The following TMEM131 variants were observed in gnomAD, a reference collection of about 807,000 sequenced individuals.
The protein encoded by TMEM131 is transmembrane protein 131.
TMEM131 carries 66 observed loss-of-function variants against 211.6 expected under a neutral mutation model. The observed-to-expected ratio is 0.31, with a 90% CI of 0.26 to 0.38. The LOEUF (loss-of-function observed/expected upper bound fraction) is 0.38. TMEM131 is among the 10% of genes least tolerant of loss of function. TMEM131 has a pLI of 1.00. For missense variants in TMEM131, 2,036 were observed against 2,299.3 expected (o/e 0.89, Z 2.34); for synonymous variants, 844 against 841.3 (o/e 1.00, Z -0.06).
chr2:97,953,320 A>T (rs1678409950), intron 1 of TMEM131, among the ~76,000 whole-genome samples: 1 of 152,240 alleles, frequency 6.6e-6, no homozygotes, highest in Non-Finnish European at 1.5e-5. Flanking sequence ...TTTCAAACAC[A>T]TCAGTTTTAC....
chr2:97,768,091 CAAGTAGGTATTATATAATAAT>C (rs369973113), intron 33 of TMEM131, among the ~76,000 whole-genome samples: 1 of 152,102 alleles, frequency 6.6e-6, no homozygotes, highest in Non-Finnish European at 1.5e-5. Context: ...TTGTATTTCA[CAAGTAGGTATTATATAATAAT>C]AAGTAGGTAT....
At chr2:97,802,599 C>A (rs995014119) in intron 23 of TMEM131, 53 bp downstream of exon 23, 20 of 1,605,726 alleles carry the variant, frequency 1.2e-5, no homozygotes, top group Non-Finnish European at 1.7e-5. Context: ...AGAGTAAATA[C>A]TTTATAATCC....
intron 31 of TMEM131, among the ~76,000 whole-genome samples, chr2:97,786,334 C>T (rs1680248690): frequency 6.6e-6 from 1 of 151,986 alleles, no homozygotes; most frequent in Non-Finnish European, 1.5e-5. Flanking sequence ...ATTGCTTGAG[C>T]CCAGCATGAA....
chr2:97,813,190 A>G (rs941310523), intron 15 of TMEM131, among the ~76,000 whole-genome samples: 2 of 152,160 alleles, frequency 1.3e-5, no homozygotes, highest in Non-Finnish European at 2.9e-5. Context: ...TAAACTACTA[A>G]GAGAGGTTTA....
At chr2:97,762,501 G>C (rs572007128) in intron 35 of TMEM131, 1 of 271,938 alleles carries the variant, frequency 3.7e-6, no homozygotes, top group East Asian at 1.2e-4. Flanking sequence ...CATCCTCCAG[G>C]GGTGGACAGC....
At chr2:97,947,030 T>A (rs780045590) in intron 1 of TMEM131, among the ~76,000 whole-genome samples, 4 of 152,004 alleles carry the variant, frequency 2.6e-5, no homozygotes, top group Non-Finnish European at 4.4e-5. Context: ...TGGTAAAAGA[T>A]CTTGGCAAAA....
At chr2:97,858,256 G>A (rs184122017) in intron 5 of TMEM131, among the ~76,000 whole-genome samples, 246 of 152,014 alleles carry the variant, frequency 1.6e-3, no homozygotes, top group African/African-American at 5.6e-3. Flanking sequence ...GATGAAATTC[G>A]GTCCTATTCA....
At chr2:97,909,396 C>T (rs1264770380) in intron 2 of TMEM131, among the ~76,000 whole-genome samples, 1 of 151,946 alleles carries the variant, frequency 6.6e-6, no homozygotes, top group Admixed American at 6.6e-5. Context: ...TAAGCAGAGG[C>T]CAGATAATGC....
At chr2:97,877,734 A>G (rs1409120637) in intron 4 of TMEM131, among the ~76,000 whole-genome samples, 5 of 152,318 alleles carry the variant, frequency 3.3e-5, no homozygotes, top group Admixed American at 6.5e-5. Context: ...TAAACATATG[A>G]CCTAGGACCA....
At chr2:97,820,854 T>C (rs1464169296) in intron 11 of TMEM131, among the ~76,000 whole-genome samples, 1 of 136,018 alleles carries the variant, frequency 7.4e-6, no homozygotes, top group African/African-American at 2.7e-5. Flanking sequence ...AGACTCCTTC[T>C]AAAAAAAAAA....
At chr2:97,793,112 T>C (rs1241724362) in intron 30 of TMEM131, 128 bp from the exon 31 acceptor site, 4 of 723,028 alleles carry the variant, frequency 5.5e-6, no homozygotes, top group South Asian at 2.1e-5. Flanking sequence ...TAGCAAGAAA[T>C]AGGGAAATTT....
intron 1 of TMEM131, among the ~76,000 whole-genome samples, chr2:97,988,730 C>T (rs1680137724): frequency 6.6e-6 from 1 of 152,200 alleles, no homozygotes; most frequent in South Asian, 2.1e-4. Context: ...GATAGCACCT[C>T]ACACCACTAT....
chr2:97,935,568 G>A (rs1677406691), intron 1 of TMEM131, among the ~76,000 whole-genome samples: 1 of 152,018 alleles, frequency 6.6e-6, no homozygotes, highest in South Asian at 2.1e-4. Flanking sequence ...TTAATTTCAG[G>A]ACCTACATGC....
intron 40 of TMEM131, 26 bp from the exon 41 acceptor site, chr2:97,757,409 C>T (rs1417233186): frequency 6.4e-7 from 1 of 1,553,740 alleles, no homozygotes; most frequent in Admixed American, 1.9e-5. Context: ...AAGCGTCCAG[C>T]ACTGAGCCCG....
chr2:97,846,117 C>T (rs200233429), intron 5 of TMEM131, among the ~76,000 whole-genome samples: 10 of 152,214 alleles, frequency 6.6e-5, no homozygotes, highest in East Asian at 5.8e-4. Flanking sequence ...AATGATTTCA[C>T]TCGTGGAAAA....
chr2:97,988,855 C>T (rs919367894), intron 1 of TMEM131, among the ~76,000 whole-genome samples: 3 of 152,156 alleles, frequency 2.0e-5, no homozygotes, highest in African/African-American at 7.2e-5. Flanking sequence ...GTGGTGGTTG[C>T]TTAAGGAATT....
chr2:97,769,105 C>A (rs1204568500), intron 33 of TMEM131, among the ~76,000 whole-genome samples: 1 of 150,148 alleles, frequency 6.7e-6, no homozygotes, highest in Non-Finnish European at 1.5e-5. Flanking sequence ...GCCTCAGCCT[C>A]CCTAGTAGTT....
At chr2:97,970,128 T>A (rs1573632257) in intron 1 of TMEM131, among the ~76,000 whole-genome samples, 1 of 152,120 alleles carries the variant, frequency 6.6e-6, no homozygotes, top group East Asian at 1.9e-4. Flanking sequence ...CTTGGGAAAA[T>A]CTGTTTTTCT....
At chr2:97,981,369 C>T (rs559043693) in intron 1 of TMEM131, among the ~76,000 whole-genome samples, 5 of 152,044 alleles carry the variant, frequency 3.3e-5, no homozygotes, top group Admixed American at 6.6e-5. Flanking sequence ...AGGTGAAAAC[C>T]GTAACATATA....
Sources: allele counts gnomAD v4.1 joint callset (sites outside exome capture counted in the v4.1 genomes callset), GRCh38; gene constraint gnomAD v4.1.1; transcripts MANE v1.5; gene names NCBI Gene and HGNC (gene_info 2026-07-23, HGNC 2026-07-21).